The following MSRA variants were observed in gnomAD, a reference collection of about 807,000 sequenced individuals.
MSRA encodes the protein mitochondrial peptide methionine sulfoxide reductase.
MSRA carries 54 observed loss-of-function variants against 31.3 expected under a neutral mutation model. That is an observed-to-expected ratio of 1.73 (90% confidence interval 1.39 to 2.17). The LOEUF (loss-of-function observed/expected upper bound fraction) is 2.17, where lower values mean the gene tolerates loss of function less well. Among genes scored for constraint, MSRA ranks in the 30% most tolerant of loss-of-function variants. MSRA has a pLI of 0.00. For synonymous variants in MSRA, 169 were observed against 116.5 expected, an observed-to-expected ratio of 1.45 and a Z score of -2.90; for missense variants, 507 against 300.9, an observed-to-expected ratio of 1.69 and a Z score of -5.07.
intron 3 of MSRA, among the ~76,000 whole-genome samples, chr8:10,299,476 C>G (rs991451108): frequency 4.6e-5 from 7 of 152,038 alleles, no homozygotes; most frequent in African/African-American, 1.4e-4. Flanking sequence ...CTTTTCATAT[C>G]TTTTAGCATA....
chr8:10,357,297 A>G (rs1404006177), intron 5 of MSRA, among the ~76,000 whole-genome samples: 10 of 152,164 alleles, frequency 6.6e-5, no homozygotes, highest in Admixed American at 6.5e-4. Flanking sequence ...GTCATTTTCC[A>G]TTTGGGTACT....
At chr8:10,207,925 A>T (rs758810556) in intron 2 of MSRA, 24 bp downstream of exon 2, 7 of 1,598,930 alleles carry the variant, frequency 4.4e-6, no homozygotes, top group Non-Finnish European at 8.5e-7. Flanking sequence ...TCTGAAAGAA[A>T]ACCCAAATTG....
intron 2 of MSRA, among the ~76,000 whole-genome samples, chr8:10,230,660 C>A (rs374827651): frequency 9.9e-5 from 15 of 152,240 alleles, no homozygotes; most frequent in African/African-American, 3.6e-4. Flanking sequence ...ATACATACTT[C>A]TTATAGAAAT....
rs181302083 is a variant in MSRA at position 10,415,346 on chromosome 8, C to G, written c.544-12802C>G. Among the ~76,000 whole-genome samples the G allele has an allele frequency of 2.1e-3, 324 of 152,236 alleles. 3 individuals carry two copies. Among genetic ancestry groups the G allele is most frequent in the African/African-American group, 7.1e-3 (296 of 41,544 alleles). On this transcript the variant is annotated intron_variant, in intron 5 of 5. Coordinates refer to ENST00000317173, the MANE Select transcript of MSRA (RefSeq NM_012331.5). ...TAATGGGAAAACAAATGACGGCCAC[C>G]CACTTCCTCTGGGTTCCCACTTGAG...
chr8:10,325,697 G>A (rs529365172), intron 5 of MSRA, among the ~76,000 whole-genome samples: 4 of 152,330 alleles, frequency 2.6e-5, no homozygotes, highest in East Asian at 3.9e-4. Flanking sequence ...AGGTTGATCA[G>A]TGCTTTAGCC....
intron 3 of MSRA, among the ~76,000 whole-genome samples, chr8:10,252,847 C>A (rs1006193123): frequency 2.0e-5 from 3 of 152,162 alleles, no homozygotes; most frequent in Non-Finnish European, 2.9e-5. Flanking sequence ...AATTTTTCAC[C>A]ATCACATAGG....
chr8:10,368,010 T>G (rs751404419), intron 5 of MSRA, among the ~76,000 whole-genome samples: 1 of 152,086 alleles, frequency 6.6e-6, no homozygotes, highest in Non-Finnish European at 1.5e-5. Flanking sequence ...CAGGAAGGGT[T>G]TCCAAGCAAG....
intron 5 of MSRA, chr8:10,411,197 G>A: frequency 6.6e-6 from 1 of 152,190 alleles, no homozygotes; most frequent in East Asian, 1.9e-4. Flanking sequence ...AGATGCTGTT[G>A]CTGAAACTGC....
At chr8:10,374,003 T>C (rs1805620788) in intron 5 of MSRA, among the ~76,000 whole-genome samples, 1 of 152,126 alleles carries the variant, frequency 6.6e-6, no homozygotes, top group South Asian at 2.1e-4. Flanking sequence ...ATGCTCGCCC[T>C]CCCCAGCTCA....
intron 5 of MSRA, among the ~76,000 whole-genome samples, chr8:10,422,741 A>G (rs953138226): frequency 3.3e-5 from 5 of 152,154 alleles, no homozygotes; most frequent in African/African-American, 9.7e-5. Flanking sequence ...CCCTGGGGGT[A>G]CCTGGCCCCA....
chr8:10,215,806 T>G (rs1378339499), intron 2 of MSRA, among the ~76,000 whole-genome samples: 1 of 152,226 alleles, frequency 6.6e-6, no homozygotes, highest in Non-Finnish European at 1.5e-5. Context: ...TTTCACTTTT[T>G]GCAGTAGTGT....
chr8:10,232,229 G>C (rs1043428333), intron 2 of MSRA, among the ~76,000 whole-genome samples: 20 of 152,334 alleles, frequency 1.3e-4, no homozygotes, highest in African/African-American at 3.6e-4. Context: ...TGCGGTAACT[G>C]CACATGTTCT....
chr8:10,062,365 T>C (rs1208060790), intron 1 of MSRA, among the ~76,000 whole-genome samples: 2 of 152,314 alleles, frequency 1.3e-5, no homozygotes, highest in African/African-American at 4.8e-5. Context: ...AAGTTGTGGA[T>C]CTTCTACATG....
rs368682766 is a variant in MSRA at position 10,259,048 on chromosome 8, C to T, written c.331+13825C>T. ...CTTGAACCTGGAAGGTGGAGGTTGCCGTGAGCTGAGATCTTGCCACTGCAC... is the reference window on the plus strand; with the variant it reads ...CTTGAACCTGGAAGGTGGAGGTTGCTGTGAGCTGAGATCTTGCCACTGCAC... On this transcript the variant is annotated intron_variant, in intron 3 of 5. Coordinates refer to ENST00000317173, the MANE Select transcript of MSRA (RefSeq NM_012331.5). 6.8e-4 allele frequency among the ~76,000 whole-genome samples: 103 copies of T among 150,832 alleles called. 2 individuals carry two copies. In the East Asian group the frequency reaches 0.017, roughly 25 times the overall value.
At chr8:10,390,670 A>C (rs542378124) in intron 5 of MSRA, among the ~76,000 whole-genome samples, 5 of 152,308 alleles carry the variant, frequency 3.3e-5, no homozygotes, top group African/African-American at 1.2e-4. Flanking sequence ...GGCCTGCTGG[A>C]TCACAGGTGC....
At chr8:10,369,986 A>G (rs965738710) in intron 5 of MSRA, among the ~76,000 whole-genome samples, 11 of 152,236 alleles carry the variant, frequency 7.2e-5, no homozygotes, top group East Asian at 3.8e-4. Flanking sequence ...GACACTTGGC[A>G]TGCATGTTCT....
intron 4 of MSRA, among the ~76,000 whole-genome samples, chr8:10,317,394 A>G (rs768840096): frequency 2.0e-5 from 3 of 152,214 alleles, no homozygotes; most frequent in Non-Finnish European, 4.4e-5. Context: ...AGAAGTCATC[A>G]TCTTATGCTT....
At chr8:10,083,098 C>T (rs1432802595) in intron 1 of MSRA, among the ~76,000 whole-genome samples, 2 of 142,928 alleles carry the variant, frequency 1.4e-5, no homozygotes, top group Non-Finnish European at 1.5e-5. Context: ...GCATACATAG[C>T]ATTTAAATTG....
At chr8:10,249,779 C>T (rs1427455780) in intron 3 of MSRA, among the ~76,000 whole-genome samples, 1 of 152,188 alleles carries the variant, frequency 6.6e-6, no homozygotes. Flanking sequence ...TTAGTGGCCA[C>T]TGTTTTGTAC....
Sources: allele counts gnomAD v4.1 joint callset (sites outside exome capture counted in the v4.1 genomes callset), GRCh38; gene constraint gnomAD v4.1.1; transcripts MANE v1.5; gene names NCBI Gene and HGNC (gene_info 2026-07-23, HGNC 2026-07-21).